Variants in SDK2 observed in about 807,000 individuals in gnomAD.
SDK2 encodes sidekick cell adhesion molecule 2.
SDK2 carries 105 observed loss-of-function variants against 253.9 expected under a neutral mutation model. That is an observed-to-expected ratio of 0.41 (90% CI 0.35 to 0.49). The LOEUF is 0.49. Ranked by LOEUF, SDK2 falls within the 20% of genes least tolerant of loss-of-function variation. SDK2 has a pLI of 0.06. For missense variants in SDK2, 2,608 were observed against 3,003.0 expected (o/e 0.87, Z 3.07); for synonymous variants, 1,249 against 1,234.9 (o/e 1.01, Z -0.24).
At chr17:73,500,441 C>T (rs370322054) in intron 2 of SDK2, among the ~76,000 whole-genome samples, 22 of 141,764 alleles carry the variant, frequency 1.6e-4, no homozygotes, top group African/African-American at 5.3e-4. Flanking sequence ...TCCATCCATC[C>T]TCCCTCCATC....
At chr17:73,529,727 G>A (rs571970234) in intron 1 of SDK2, among the ~76,000 whole-genome samples, 1 of 152,222 alleles carries the variant, frequency 6.6e-6, no homozygotes, top group South Asian at 2.1e-4. Context: ...AAGTCAAAGA[G>A]CACCAAGGGT....
chr17:73,401,092 C>T lies in SDK2; in HGVS notation c.2899G>A (p.Glu967Lys), dbSNP rs201665128. The T allele has an allele frequency of 6.4e-5, 101 of 1,568,994 alleles. No homozygotes were observed. The highest frequency in any genetic ancestry group is 3.3e-4 in the Middle Eastern group (2 of 6,006). The stretch of plus-strand genomic sequence containing the variant: ...CCCTTTGAGGTCATGGCGGCCACCT[C>T]GATGGTGTAGGTGGTGAGCGCGGTG... ...GLTALTTYTI[E>K]VAAMTSKGQG... Residue 967 changes from glutamate (E) to lysine (K), a missense_variant, in exon 21 of 45, where the codon GAG (glutamate) becomes AAG (lysine). Glu to Lys is a moderately conservative substitution (Grantham distance 56). Transcript: ENST00000392650.
At chr17:73,529,923 T>C (rs1045552196) in intron 1 of SDK2, among the ~76,000 whole-genome samples, 4 of 152,150 alleles carry the variant, frequency 2.6e-5, no homozygotes, top group African/African-American at 9.7e-5. Flanking sequence ...AGGAAACACA[T>C]AGAGTTGTTA....
At chr17:73,473,336 C>T (rs187744382) in intron 2 of SDK2, among the ~76,000 whole-genome samples, 31 of 152,286 alleles carry the variant, frequency 2.0e-4, no homozygotes, top group East Asian at 1.2e-3. Flanking sequence ...TGAAGGGGAC[C>T]GGGGTCCAGG....
intron 1 of SDK2, among the ~76,000 whole-genome samples, chr17:73,523,883 C>G (rs1468691677): frequency 2.6e-5 from 4 of 152,192 alleles, no homozygotes; most frequent in African/African-American, 9.7e-5. Context: ...ATGTCCATCA[C>G]GACAGCCCTA....
At chr17:73,559,876 A>T (rs575568348) in intron 1 of SDK2, among the ~76,000 whole-genome samples, 1 of 152,340 alleles carries the variant, frequency 6.6e-6, no homozygotes, top group East Asian at 1.9e-4. Flanking sequence ...CCCTGGCCTG[A>T]TCCCCCCAGG....
intron 1 of SDK2, among the ~76,000 whole-genome samples, chr17:73,635,950 G>A (rs2046324180): frequency 6.6e-6 from 1 of 152,184 alleles, no homozygotes; most frequent in Admixed American, 6.5e-5. Context: ...AGAGCCAGGA[G>A]GAGCAGGAGG....
rs551802818 is a variant in SDK2 at position 73,634,562 on chromosome 17, G to C, written c.64+9463C>G. ...TGAACAGCTGATAATAGCTTAATAGGTGGGTTCTCTGTGCCATATTTGCAT... is the reference window on the plus strand; with the variant it reads ...TGAACAGCTGATAATAGCTTAATAGCTGGGTTCTCTGTGCCATATTTGCAT... On this transcript the variant is annotated intron_variant, in intron 1 of 44. Transcript: ENST00000392650. Among the ~76,000 whole-genome samples, 13 of 152,292 alleles carry C rather than the reference G, an allele frequency of 8.5e-5. No individual in the cohort carries two copies. The South Asian group carries it at 2.7e-3, about 32-fold the overall frequency.
chr17:73,381,063 C>T (rs953032007), intron 33 of SDK2, 113 bp from the exon 34 acceptor site: 8 of 676,614 alleles, frequency 1.2e-5, no homozygotes, highest in Admixed American at 2.3e-5. Context: ...GGGCTGACGG[C>T]GTGAACAGAC....
Position 73,350,671 on chromosome 17 carries a change from A to G in SDK2, c.5878T>C (p.Tyr1960His). 6.2e-7 allele frequency: 1 copy of G among 1,612,642 alleles called. No homozygotes were observed. ...TCACCCGAGTCTGTCTTCTTGGCGT[A>G]CTTCTTGCTCTGGCCCCGGATGATG... ...VLIIRGQSKK[Y>H]AKKTDSGNSA... The change falls in exon 42 of 45, where the codon TAC (tyrosine) becomes CAC (histidine). Residue 1960 changes from tyrosine (Y) to histidine (H), a missense_variant. Transcript: ENST00000392650.
rs913420950 is a variant in SDK2 at position 73,616,629 on chromosome 17, G to T, written c.64+27396C>A. Reference sequence around the variant, plus strand: ...GCTGAGAAAATGAACGTTCCATGATGCTATAAACGAAGGAAGATAAGAAAC... The same window carrying T: ...GCTGAGAAAATGAACGTTCCATGATTCTATAAACGAAGGAAGATAAGAAAC... On this transcript the variant is annotated intron_variant, in intron 1 of 44. Coordinates refer to ENST00000392650, the MANE Select transcript of SDK2 (RefSeq NM_001144952.2). The surrounding 1 kb of genome is among the most constrained non-coding windows in gnomAD (Gnocchi z 5.2). Among the ~76,000 whole-genome samples the T allele has an allele frequency of 6.6e-6, 1 of 152,148 alleles. No homozygotes were observed. The highest frequency in any genetic ancestry group is 2.4e-5 in the African/African-American group (1 of 41,412).
chr17:73,424,835 G>A (rs2063266569), intron 12 of SDK2, among the ~76,000 whole-genome samples: 1 of 152,200 alleles, frequency 6.6e-6, no homozygotes, highest in South Asian at 2.1e-4. Context: ...CAGGGTGGGG[G>A]CCTGAGCTGC....
intron 1 of SDK2, among the ~76,000 whole-genome samples, chr17:73,566,297 C>T (rs1317248677): frequency 2.1e-5 from 3 of 139,750 alleles, no homozygotes; most frequent in Non-Finnish European, 4.6e-5. Flanking sequence ...AACTATAAGC[C>T]AAATAAAATT....
chr17:73,361,551 C>A lies in SDK2; in HGVS notation c.5467+133G>T. On this transcript the variant is annotated intron_variant, in intron 39 of 44. Coordinates refer to ENST00000392650, the MANE Select transcript of SDK2 (RefSeq NM_001144952.2). The surrounding 1 kb of genome is among the most constrained non-coding windows in gnomAD (Gnocchi z 4.1). ...GAGCGGGGGGAGGGGTCACTGGGCA[C>A]CAGGGGAAAGAGTGAGCTCTGTCCT... The A allele has an allele frequency of 1.2e-6, 1 of 861,558 alleles. No homozygotes were observed. Among genetic ancestry groups the A allele is most frequent in the Non-Finnish European group, 1.7e-6 (1 of 573,542 alleles). 53.4% of individuals were successfully genotyped at this position (861,558 alleles called of 1,614,324 possible). A position where few individuals can be genotyped will look rare whatever the true frequency, so the allele number is the denominator to read the frequency against.
chr17:73,423,041 A>AATAAATAAACTG (rs61207815), intron 14 of SDK2, among the ~76,000 whole-genome samples: 1 of 151,372 alleles, frequency 6.6e-6, no homozygotes, highest in African/African-American at 2.4e-5. Context: ...TAAATAAATA[A>AATAAATAAACTG]ATAATAAATA....
At chr17:73,527,045 C>T (rs754627519) in intron 1 of SDK2, among the ~76,000 whole-genome samples, 71 of 152,336 alleles carry the variant, frequency 4.7e-4, no homozygotes, top group South Asian at 8.3e-4. Flanking sequence ...GGATGACTAA[C>T]GGTGTGAGGC....
Position 73,599,247 on chromosome 17 carries a change from A to G in SDK2, c.64+44778T>C, listed in dbSNP as rs550035421. Among the ~76,000 whole-genome samples the G allele has an allele frequency of 1.3e-3, 194 of 152,226 alleles. 1 individual carries two copies. Among genetic ancestry groups the G allele is most frequent in the African/African-American group, 4.5e-3 (186 of 41,550 alleles). ...AGGGAGTGAGAAAAGAAAGGAGAGA[A>G]GGTGCTGGGCACGGTGGCTCACGCC... is the stretch of plus-strand genomic sequence containing the variant. On this transcript the variant is annotated intron_variant, in intron 1 of 44. Coordinates refer to ENST00000392650, the MANE Select transcript of SDK2 (RefSeq NM_001144952.2).
At chr17:73,415,702 T>C in intron 17 of SDK2, 109 bp downstream of exon 17, 2 of 970,418 alleles carry the variant, frequency 2.1e-6, no homozygotes, top group Non-Finnish European at 3.0e-6. Flanking sequence ...TTGCCCAGGC[T>C]GGCTTAAAAC....
chr17:73,581,750 G>T (rs748259106), intron 1 of SDK2, among the ~76,000 whole-genome samples: 1 of 152,224 alleles, frequency 6.6e-6, no homozygotes, highest in Non-Finnish European at 1.5e-5. Flanking sequence ...TGCACCTGAC[G>T]CAGGGCCTAT....
Sources: allele counts gnomAD v4.1 joint callset (sites outside exome capture counted in the v4.1 genomes callset), GRCh38; gene constraint gnomAD v4.1.1; non-coding constraint Gnocchi (gnomAD v3.1); transcripts MANE v1.5; gene names NCBI Gene and HGNC (gene_info 2026-07-23, HGNC 2026-07-21).